Variants in GUCY1A2 observed in about 807,000 individuals in gnomAD.
The protein encoded by GUCY1A2 is guanylate cyclase soluble subunit alpha-2.
In GUCY1A2, 27 loss-of-function variants were observed where a neutral mutation model predicts 63.5. The observed-to-expected ratio is 0.43, with a 90% CI of 0.31 to 0.59. The LOEUF (loss-of-function observed/expected upper bound fraction) is 0.59, where lower values mean the gene tolerates loss of function less well. GUCY1A2 is among the 20% of genes least tolerant of loss of function. The pLI, the probability that GUCY1A2 is intolerant of heterozygous loss-of-function variation, is 0.11. For missense variants in GUCY1A2, 768 were observed against 913.3 expected (o/e 0.84, Z 2.05); for synonymous variants, 364 against 343.5 (o/e 1.06, Z -0.66).
At chr11:106,868,631 T>A (rs564440851) in intron 4 of GUCY1A2, among the ~76,000 whole-genome samples, 1 of 152,210 alleles carries the variant, frequency 6.6e-6, no homozygotes, top group East Asian at 1.9e-4. Flanking sequence ...GGAAGAACAT[T>A]CCATGCTCAT....
chr11:106,962,988 C>G (rs1010761973), intron 3 of GUCY1A2, among the ~76,000 whole-genome samples: 1 of 152,026 alleles, frequency 6.6e-6, no homozygotes, highest in African/African-American at 2.4e-5. Flanking sequence ...TGACTTTACA[C>G]GCCTATTAGT....
chr11:106,905,506 G>A (rs1272743809), intron 4 of GUCY1A2, among the ~76,000 whole-genome samples: 1 of 152,036 alleles, frequency 6.6e-6, no homozygotes, highest in African/African-American at 2.4e-5. Context: ...CTCCAATACA[G>A]TTACATGAAG....
intron 4 of GUCY1A2, among the ~76,000 whole-genome samples, chr11:106,910,731 T>C (rs1490387302): frequency 6.6e-6 from 1 of 152,212 alleles, no homozygotes; most frequent in African/African-American, 2.4e-5. Flanking sequence ...CACGAAGTCA[T>C]ACATCAGCCT....
chr11:106,855,643 G>A (rs896423731), intron 4 of GUCY1A2, among the ~76,000 whole-genome samples: 1 of 151,894 alleles, frequency 6.6e-6, no homozygotes, highest in Non-Finnish European at 1.5e-5. Context: ...AACATTTGTT[G>A]AAAAAAGACT....
At chr11:106,827,535 CA>C in intron 4 of GUCY1A2, 1 of 1,475,456 alleles carries the variant, frequency 6.8e-7, no homozygotes, top group Non-Finnish European at 9.5e-7. Flanking sequence ...CTTCACATAT[CA>C]ACTTTGGTTT....
At chr11:106,700,132 T>C (rs532093227) in intron 7 of GUCY1A2, among the ~76,000 whole-genome samples, 1 of 152,332 alleles carries the variant, frequency 6.6e-6, no homozygotes, top group East Asian at 1.9e-4. Context: ...CATAATTATA[T>C]ATTTTCTCAT....
intron 7 of GUCY1A2, among the ~76,000 whole-genome samples, chr11:106,705,561 T>C (rs1274968759): frequency 6.6e-6 from 1 of 152,112 alleles, no homozygotes; most frequent in Non-Finnish European, 1.5e-5. Flanking sequence ...AAAGTTAATA[T>C]ATAGAACATG....
rs184585919 is a variant in GUCY1A2, at chr11:106,803,855, C to G, written c.1692+6138G>C. Among the ~76,000 whole-genome samples the G allele has an allele frequency of 1.4e-3, 207 of 152,286 alleles. 1 individual carries two copies. The highest frequency in any genetic ancestry group is 4.8e-3 in the African/African-American group (200 of 41,566). ...TGAAAGAAACATATCTTACCCTTGC[C>G]TCTTCCTTATCTCCAACCAAAGTGC... On this transcript the variant is annotated intron_variant, in intron 5 of 7. Transcript: ENST00000526355.
intron 3 of GUCY1A2, among the ~76,000 whole-genome samples, chr11:106,959,289 C>G (rs1861029888): frequency 6.6e-6 from 1 of 152,064 alleles, no homozygotes; most frequent in Non-Finnish European, 1.5e-5. Context: ...TTAGAGGAAA[C>G]TATCATCTGT....
intron 4 of GUCY1A2, among the ~76,000 whole-genome samples, chr11:106,911,874 T>TGA (rs1451341340): frequency 6.6e-6 from 1 of 152,106 alleles, no homozygotes; most frequent in Non-Finnish European, 1.5e-5. Context: ...ATTATATTTT[T>TGA]GATGGCAAAA....
At chr11:106,777,841 G>A (rs1368931155) in intron 5 of GUCY1A2, among the ~76,000 whole-genome samples, 2 of 152,056 alleles carry the variant, frequency 1.3e-5, no homozygotes, top group Non-Finnish European at 2.9e-5. Flanking sequence ...TTTAAAAAAA[G>A]GAAGAAACAA....
In GUCY1A2 at chr11:106,815,792, G is replaced by GCA. The variant is rs903719578; in HGVS notation, c.1207-5316_1207-5315dup. Among the ~76,000 whole-genome samples, 5 of 151,232 alleles carry GCA rather than the reference G, an allele frequency of 3.3e-5. No homozygotes were observed. The East Asian group carries it at 7.8e-4, about 24-fold the overall frequency. ...CATGCACACAGACACACAAACACAC[G>GCA]CACACACACACCACACACAAAGGAG... On this transcript the variant is annotated intron_variant, in intron 4 of 7. Coordinates refer to ENST00000526355, the MANE Select transcript of GUCY1A2 (RefSeq NM_000855.3).
At chr11:106,998,152 C>A (rs749427692) in intron 1 of GUCY1A2, among the ~76,000 whole-genome samples, 9 of 152,126 alleles carry the variant, frequency 5.9e-5, no homozygotes, top group Non-Finnish European at 8.8e-5. Context: ...TTGTGGGGGA[C>A]ATTTTCGAAG....
At chr11:106,922,859 T>C (rs1345487387) in intron 4 of GUCY1A2, among the ~76,000 whole-genome samples, 1 of 151,786 alleles carries the variant, frequency 6.6e-6, no homozygotes, top group Non-Finnish European at 1.5e-5. Flanking sequence ...CGTTCAAAAA[T>C]GGTCTTGAAC....
chr11:106,861,997 G>A (rs1859519377), intron 4 of GUCY1A2, among the ~76,000 whole-genome samples: 1 of 151,960 alleles, frequency 6.6e-6, no homozygotes, highest in Non-Finnish European at 1.5e-5. Context: ...ACACTGTAGA[G>A]AAATCTGTAC....
chr11:107,014,026 A>C (rs1861784228), intron 1 of GUCY1A2, among the ~76,000 whole-genome samples: 1 of 151,646 alleles, frequency 6.6e-6, no homozygotes, highest in Admixed American at 6.6e-5. Flanking sequence ...TATCTTAAAA[A>C]GTAAACTACT....
At chr11:106,877,448 C>T (rs999439817) in intron 4 of GUCY1A2, among the ~76,000 whole-genome samples, 6 of 152,002 alleles carry the variant, frequency 3.9e-5, no homozygotes, top group East Asian at 1.9e-4. Flanking sequence ...AAAACAGACA[C>T]GTAGACCAAC....
At chr11:106,977,845 G>A (rs189165077) in intron 3 of GUCY1A2, among the ~76,000 whole-genome samples, 1 of 151,956 alleles carries the variant, frequency 6.6e-6, no homozygotes, top group African/African-American at 2.4e-5. Flanking sequence ...TCCTATCTGG[G>A]TCATAAAGAA....
At chr11:106,920,111 C>A (rs1487318385) in intron 4 of GUCY1A2, among the ~76,000 whole-genome samples, 1 of 151,598 alleles carries the variant, frequency 6.6e-6, no homozygotes, top group Non-Finnish European at 1.5e-5. Flanking sequence ...TAAAAGTAAA[C>A]AAATGTATTT....
Sources: allele counts gnomAD v4.1 joint callset (sites outside exome capture counted in the v4.1 genomes callset), GRCh38; gene constraint gnomAD v4.1.1; transcripts MANE v1.5; gene names NCBI Gene and HGNC (gene_info 2026-07-23, HGNC 2026-07-21).